Variants in EXOC2 observed in about 807,000 individuals in gnomAD.
EXOC2 encodes exocyst complex component 2, also known as SEC5-like 1.
In EXOC2, 70 loss-of-function variants were observed where a neutral mutation model predicts 131.8. The ratio of observed to expected loss-of-function variants is 0.53; its 90% CI spans 0.44 to 0.65. EXOC2 has a LOEUF of 0.65. Among genes scored for constraint, EXOC2 ranks in the 30% least tolerant of loss-of-function variants. EXOC2 has a pLI of 0.00. For synonymous variants in EXOC2, 411 were observed against 398.4 expected, an observed-to-expected ratio of 1.03 and a Z score of -0.38; for missense variants, 923 against 1,108.6, an observed-to-expected ratio of 0.83 and a Z score of 2.38.
intron 16 of EXOC2, among the ~76,000 whole-genome samples, chr6:563,595 A>G (rs1757813250): frequency 6.6e-6 from 1 of 152,226 alleles, no homozygotes; most frequent in African/African-American, 2.4e-5. Context: ...GAAAAATTTA[A>G]AAAGTATAAA....
chr6:528,788 A>G (rs1426830223), intron 23 of EXOC2, among the ~76,000 whole-genome samples: 2 of 152,256 alleles, frequency 1.3e-5, no homozygotes, highest in Non-Finnish European at 2.9e-5. Flanking sequence ...TCAGGATTAC[A>G]TTTAGGCTCT....
At chr6:637,930 C>T in intron 1 of EXOC2, 69 bp from the exon 2 acceptor site, 1 of 1,010,250 alleles carries the variant, frequency 9.9e-7, no homozygotes, top group South Asian at 1.4e-5. Context: ...TATAAGAATG[C>T]TAGACAGTCA....
At chr6:576,259 C>T (rs1193744002) in intron 12 of EXOC2, among the ~76,000 whole-genome samples, 1 of 152,090 alleles carries the variant, frequency 6.6e-6, no homozygotes, top group African/African-American at 2.4e-5. Flanking sequence ...TGGTAAATAT[C>T]CACTCCAGAA....
chr6:581,829 A>G (rs1308067414), intron 11 of EXOC2, among the ~76,000 whole-genome samples: 1 of 152,196 alleles, frequency 6.6e-6, no homozygotes, highest in Admixed American at 6.5e-5. Context: ...TTATTTTTCC[A>G]GTTAAATACT....
chr6:677,959 C>CACAT (rs1764229591), intron 1 of EXOC2, among the ~76,000 whole-genome samples: 1 of 151,978 alleles, frequency 6.6e-6, no homozygotes, highest in Non-Finnish European at 1.5e-5. Context: ...CACACACACA[C>CACAT]ACACACTCTT....
chr6:622,432 G>A (rs143928533), intron 4 of EXOC2, among the ~76,000 whole-genome samples: 21 of 152,258 alleles, frequency 1.4e-4, no homozygotes, highest in Non-Finnish European at 2.1e-4. Flanking sequence ...CCTCCCCCAC[G>A]CCCATGGTGC....
chr6:626,330 T>C (rs1008074949), intron 4 of EXOC2, among the ~76,000 whole-genome samples: 1 of 152,274 alleles, frequency 6.6e-6, no homozygotes, highest in African/African-American at 2.4e-5. Context: ...GAAAAAAGCA[T>C]GCAGCCTGGG....
intron 1 of EXOC2, among the ~76,000 whole-genome samples, chr6:690,212 C>T (rs950185221): frequency 4.0e-4 from 61 of 152,048 alleles, no homozygotes; most frequent in African/African-American, 1.4e-3. Context: ...TAAAATGAGC[C>T]GAACCCGGTG....
chr6:504,434 G>C (rs905156412), intron 23 of EXOC2, among the ~76,000 whole-genome samples: 3 of 152,196 alleles, frequency 2.0e-5, no homozygotes, highest in Non-Finnish European at 4.4e-5. Flanking sequence ...TCTGATTTTT[G>C]GTGACAGAAC....
intron 23 of EXOC2, among the ~76,000 whole-genome samples, chr6:509,994 T>A (rs985387143): frequency 6.6e-6 from 1 of 152,198 alleles, no homozygotes; most frequent in Non-Finnish European, 1.5e-5. Flanking sequence ...ATGTACTTTT[T>A]TTTATTGTCA....
At chr6:592,378 A>C in intron 11 of EXOC2, 91 bp downstream of exon 11, 1 of 1,079,160 alleles carries the variant, frequency 9.3e-7, no homozygotes, top group Non-Finnish European at 1.4e-6. Context: ...CAAGTAAATT[A>C]GGTAGTCAGT....
intron 4 of EXOC2, among the ~76,000 whole-genome samples, chr6:622,372 T>A (rs1150857): frequency 0.064 from 9,799 of 152,170 alleles, 446 homozygotes; most frequent in Middle Eastern, 0.14. Flanking sequence ...AGGACACAGC[T>A]GAGAAAAAAG....
chr6:671,140 T>A (rs1288242393), intron 1 of EXOC2, among the ~76,000 whole-genome samples: 1 of 151,224 alleles, frequency 6.6e-6, no homozygotes, highest in Non-Finnish European at 1.5e-5. Flanking sequence ...GCAAATCACT[T>A]GAGGTCAGGA....
Position 499,715 on chromosome 6 carries a change from A to C in EXOC2, c.2381-15T>G, listed in dbSNP as rs1206455062. The stretch of plus-strand genomic sequence containing the variant: ...GTTTCTGACACCTGAAATTGAAATA[A>C]AGGAGAGAAAGAAGGCATTAATAAT... On this transcript the variant is annotated splice_polypyrimidine_tract_variant and intron_variant, in intron 23 of 27. Coordinates refer to ENST00000230449, the MANE Select transcript of EXOC2 (RefSeq NM_018303.6). 6.2e-7 allele frequency: 1 copy of C among 1,610,862 alleles called. No individual in the cohort carries two copies. The highest frequency in any genetic ancestry group is 1.3e-5 in the African/African-American group (1 of 74,940).
At chr6:510,705 C>T (rs895290853) in intron 23 of EXOC2, among the ~76,000 whole-genome samples, 2 of 152,174 alleles carry the variant, frequency 1.3e-5, no homozygotes, top group South Asian at 2.1e-4. Context: ...GAACTCATTA[C>T]ACACTTAGCA....
chr6:687,560 C>CA (rs1261872898), intron 1 of EXOC2, among the ~76,000 whole-genome samples: 1 of 151,980 alleles, frequency 6.6e-6, no homozygotes, highest in Non-Finnish European at 1.5e-5. Context: ...CCCAGATCCT[C>CA]AAAAGATGAC....
At chr6:559,884 A>G (rs1213138861) in intron 17 of EXOC2, among the ~76,000 whole-genome samples, 1 of 152,202 alleles carries the variant, frequency 6.6e-6, no homozygotes, top group Non-Finnish European at 1.5e-5. Flanking sequence ...TAGGACCCTG[A>G]CAGCAGACTC....
At chr6:622,434 C>G (rs1261034356) in intron 4 of EXOC2, among the ~76,000 whole-genome samples, 1 of 152,192 alleles carries the variant, frequency 6.6e-6, no homozygotes, top group African/African-American at 2.4e-5. Flanking sequence ...TCCCCCACGC[C>G]CATGGTGCTG....
intron 10 of EXOC2, 98 bp downstream of exon 10, chr6:597,923 A>G (rs1759908232): frequency 1.3e-6 from 1 of 776,580 alleles, no homozygotes; most frequent in African/African-American, 1.8e-5. Context: ...CATTTCATCA[A>G]TCTCCTAAAG....
Sources: gnomAD v4.1 joint callset for allele counts (sites outside exome capture counted in the v4.1 genomes callset) on GRCh38, gnomAD v4.1.1 for gene constraint, MANE v1.5 for transcripts, NCBI Gene and HGNC (gene_info 2026-07-23, HGNC 2026-07-21) for gene names.